Variants in EHBP1 observed in about 807,000 individuals in gnomAD.
The protein encoded by EHBP1 is EH domain-binding protein 1.
Under a neutral mutation model 144.0 loss-of-function variants are expected in EHBP1, and 55 were observed. The observed-to-expected ratio is 0.38, with a 90% CI of 0.31 to 0.48. The LOEUF is 0.48. EHBP1 is among the 20% of genes least tolerant of loss of function. The probability of loss-of-function intolerance (pLI) is 0.98; values close to 1 mark genes in which losing one functional copy is unlikely to be tolerated. For missense variants in EHBP1, 1,200 were observed against 1,364.2 expected (o/e 0.88, Z 1.90); for synonymous variants, 469 against 472.7 (o/e 0.99, Z 0.10).
intron 5 of EHBP1, among the ~76,000 whole-genome samples, chr2:62,810,472 G>A (rs1356101420): frequency 4.6e-5 from 7 of 152,204 alleles, no homozygotes; most frequent in African/African-American, 1.7e-4. Flanking sequence ...GATGAGTCTT[G>A]AGATTGAGAG....
chr2:62,735,583 C>T (rs1051400640), intron 2 of EHBP1, among the ~76,000 whole-genome samples: 1 of 152,038 alleles, frequency 6.6e-6, no homozygotes, highest in Non-Finnish European at 1.5e-5. Context: ...GAGACAAATA[C>T]AAGTTTTCCT....
At chr2:63,026,929 T>G (rs1165012444) in intron 19 of EHBP1, among the ~76,000 whole-genome samples, 1 of 152,194 alleles carries the variant, frequency 6.6e-6, no homozygotes, top group Non-Finnish European at 1.5e-5. Context: ...GCATGAGGGT[T>G]TTCTTGTTTA....
At chr2:62,794,526 A>G (rs1403537924) in intron 5 of EHBP1, among the ~76,000 whole-genome samples, 1 of 152,144 alleles carries the variant, frequency 6.6e-6, no homozygotes, top group African/African-American at 2.4e-5. Context: ...TTAAGTGACT[A>G]TGTGTCAGAT....
chr2:62,909,515 T>C (rs1160794502), intron 10 of EHBP1, among the ~76,000 whole-genome samples: 2 of 152,118 alleles, frequency 1.3e-5, no homozygotes, highest in Non-Finnish European at 2.9e-5. Flanking sequence ...TGTGTCAGAA[T>C]ATGCTGAAAG....
chr2:62,872,816 A>G (rs2050593601), intron 9 of EHBP1, among the ~76,000 whole-genome samples: 1 of 152,150 alleles, frequency 6.6e-6, no homozygotes, highest in Non-Finnish European at 1.5e-5. Flanking sequence ...GAATTTGACT[A>G]TTCTGGACAT....
chr2:62,784,919 A>G (rs1051990178), intron 5 of EHBP1, among the ~76,000 whole-genome samples: 4 of 152,196 alleles, frequency 2.6e-5, no homozygotes, highest in African/African-American at 4.8e-5. Context: ...TGGACCCTCT[A>G]TGATTCTGAT....
At chr2:62,715,695 G>T (rs1258285674) in intron 2 of EHBP1, among the ~76,000 whole-genome samples, 1 of 152,128 alleles carries the variant, frequency 6.6e-6, no homozygotes, top group Admixed American at 6.5e-5. Flanking sequence ...TATGGACCCA[G>T]AAGGAATGAC....
intron 10 of EHBP1, among the ~76,000 whole-genome samples, chr2:62,893,548 CCAAGA>C: frequency 6.6e-6 from 1 of 152,050 alleles, no homozygotes; most frequent in African/African-American, 2.4e-5. Flanking sequence ...TTAGAATTTG[CCAAGA>C]CAAGGGGAAA....
Position 62,683,531 on chromosome 2 carries a change from C to T in EHBP1, c.-296+9448C>T, listed in dbSNP as rs185993227. Among the ~76,000 whole-genome samples, 975 of 151,762 alleles carry T rather than the reference C, an allele frequency of 6.4e-3. 6 individuals carry two copies. Among genetic ancestry groups the T allele is most frequent in the Non-Finnish European group, 0.01 (683 of 67,914 alleles). ...AAAATTAGCTGGGCATGGTGGCGGG[C>T]GCCTGTAGTCTCAGCTACTTGGGAG... On this transcript the variant is annotated intron_variant, in intron 1 of 22. Transcript: ENST00000405015.
rs926826510 is a variant in EHBP1, at chr2:62,865,271, G to T, written c.998+300G>T. ...ATTATAAATGGTATTTAGGTTTTTG[G>T]TTTTTTTTTCCATCAAACTCTGTAG... On this transcript the variant is annotated intron_variant, in intron 9 of 22. Transcript: ENST00000431489. Among the ~76,000 whole-genome samples, 9 of 151,054 alleles carry T rather than the reference G, an allele frequency of 6.0e-5. No individual in the cohort carries two copies. The South Asian group carries it at 6.3e-4, about 11-fold the overall frequency.
At chr2:62,726,560 C>G (rs1359051991) in intron 2 of EHBP1, 3 of 152,242 alleles carry the variant, frequency 2.0e-5, no homozygotes, top group Admixed American at 6.5e-5. Context: ...ATCTTGCCCT[C>G]TCTCTTATCC....
chr2:62,899,945 C>A lies in EHBP1; in HGVS notation c.1185+25413C>A, dbSNP rs373784624. On this transcript the variant is annotated intron_variant, in intron 10 of 22. Transcript: ENST00000431489. Reference sequence around the variant, plus strand: ...AGTGGGTGCTGTTGTCTCCACTTTACAAATAAAGGTTAGACCATTCATTGT... The same window carrying A: ...AGTGGGTGCTGTTGTCTCCACTTTAAAAATAAAGGTTAGACCATTCATTGT... Among the ~76,000 whole-genome samples the A allele has an allele frequency of 1.1e-4, 17 of 152,328 alleles. No individual in the cohort carries two copies. The East Asian group carries it at 2.7e-3, about 24-fold the overall frequency.
rs566068200 is a variant in EHBP1, at chr2:62,861,493, T to C, written c.757+2202T>C. On this transcript the variant is annotated intron_variant, in intron 8 of 22. Transcript: ENST00000431489. Reference sequence around the variant, plus strand: ...GCGCGGTGGTTCACGCCTGTAATCCTAGAACTTTGGGAGGCCAAGGCAGGT... The same window carrying C: ...GCGCGGTGGTTCACGCCTGTAATCCCAGAACTTTGGGAGGCCAAGGCAGGT... Among the ~76,000 whole-genome samples, 110 of 150,700 alleles carry C rather than the reference T, an allele frequency of 7.3e-4. No homozygotes were observed. In the Middle Eastern group the frequency reaches 0.01, roughly 14 times the overall value.
chr2:62,708,177 TA>T lies in EHBP1; in HGVS notation c.104+889del, dbSNP rs543021276. On this transcript the variant is annotated intron_variant, in intron 2 of 22. Coordinates refer to ENST00000431489, the MANE Select transcript of EHBP1 (RefSeq NM_001142616.3). ...CTTTTTAACATCCATTTTATTAGAT[TA>T]AAAAAATAGCTTGCTTTATTCTAGA... Among the ~76,000 whole-genome samples the T allele has an allele frequency of 1.9e-3, 296 of 152,302 alleles. 4 individuals carry two copies. The highest frequency in any genetic ancestry group is 5.4e-3 in the Admixed American group (83 of 15,294).
intron 5 of EHBP1, among the ~76,000 whole-genome samples, chr2:62,822,718 C>T (rs1408759098): frequency 3.9e-5 from 6 of 152,090 alleles, no homozygotes; most frequent in African/African-American, 1.4e-4. Flanking sequence ...CTTATCAACA[C>T]TTGGTAATGT....
intron 10 of EHBP1, among the ~76,000 whole-genome samples, chr2:62,936,288 ACT>A (rs1469368660): frequency 6.6e-6 from 1 of 151,250 alleles, no homozygotes; most frequent in East Asian, 1.9e-4. Context: ...CAGTTATAGA[ACT>A]CTCTGGGTTT....
intron 5 of EHBP1, among the ~76,000 whole-genome samples, chr2:62,818,697 T>A (rs537045715): frequency 2.0e-4 from 31 of 152,276 alleles, no homozygotes; most frequent in African/African-American, 7.5e-4. Flanking sequence ...CAGAAACTAC[T>A]GAAATAGAAA....
At chr2:62,695,955 C>T (rs1343200453) in intron 1 of EHBP1, among the ~76,000 whole-genome samples, 1 of 151,446 alleles carries the variant, frequency 6.6e-6, no homozygotes, top group Non-Finnish European at 1.5e-5. Flanking sequence ...TTAAGTGATC[C>T]TCCTGCCTCA....
chr2:62,889,650 G>C (rs1289528864), intron 10 of EHBP1, among the ~76,000 whole-genome samples: 1 of 152,132 alleles, frequency 6.6e-6, no homozygotes, highest in African/African-American at 2.4e-5. Flanking sequence ...TTATTGAATA[G>C]GGAATCCTTT....
Sources: allele counts gnomAD v4.1 joint callset (sites outside exome capture counted in the v4.1 genomes callset), GRCh38; gene constraint gnomAD v4.1.1; transcripts MANE v1.5; gene names NCBI Gene and HGNC (gene_info 2026-07-23, HGNC 2026-07-21).